The following PTPRZ1 variants were observed in gnomAD, a reference collection of about 807,000 sequenced individuals.
PTPRZ1 encodes the protein protein tyrosine phosphatase receptor type Z1, also known as receptor-type tyrosine-protein phosphatase zeta.
PTPRZ1 carries 82 observed loss-of-function variants against 214.1 expected under a neutral mutation model. The ratio of observed to expected loss-of-function variants is 0.38; its 90% confidence interval spans 0.32 to 0.46. The LOEUF (loss-of-function observed/expected upper bound fraction) is 0.46. Ranked by LOEUF, PTPRZ1 falls within the 20% of genes least tolerant of loss-of-function variation. The pLI, the probability that PTPRZ1 is intolerant of heterozygous loss-of-function variation, is 1.00. For missense variants in PTPRZ1, 2,603 were observed against 2,748.7 expected (o/e 0.95, Z 1.19); for synonymous variants, 945 against 987.9 (o/e 0.96, Z 0.81).
chr7:122,055,124 A>T, intron 27 of PTPRZ1, 37 bp downstream of exon 27: 1 of 1,448,450 alleles, frequency 6.9e-7, no homozygotes, highest in South Asian at 1.3e-5. Context: ...TTTTTATCTT[A>T]AACACATGTT....
intron 1 of PTPRZ1, among the ~76,000 whole-genome samples, chr7:121,921,169 AAGAT>A (rs1414307314): frequency 4.6e-5 from 7 of 152,296 alleles, no homozygotes; most frequent in Non-Finnish European, 7.4e-5. Context: ...CAACTTTAGA[AAGAT>A]AGATAAATTA....
chr7:121,937,959 T>G (rs1206303011), intron 2 of PTPRZ1, among the ~76,000 whole-genome samples: 3 of 152,166 alleles, frequency 2.0e-5, no homozygotes, highest in South Asian at 4.1e-4. Flanking sequence ...ACTTTTTTAT[T>G]TATCATTATA....
intron 2 of PTPRZ1, among the ~76,000 whole-genome samples, chr7:121,930,405 A>G (rs1030444560): frequency 2.6e-5 from 4 of 152,172 alleles, no homozygotes; most frequent in African/African-American, 9.7e-5. Context: ...AATTATACCC[A>G]ATTTAATAAA....
intron 1 of PTPRZ1, among the ~76,000 whole-genome samples, chr7:121,882,933 G>T (rs961012920): frequency 1.3e-5 from 2 of 152,182 alleles, no homozygotes; most frequent in Non-Finnish European, 2.9e-5. Flanking sequence ...GTGAGTCACT[G>T]GTGATCCTTA....
Position 122,011,284 on chromosome 7 carries a change from G to A in PTPRZ1, c.2238G>A (p.Ser746=), listed in dbSNP as rs749524246. The part of the protein sequence containing the change: ...DLVSTVNVVY[S]QTTQPVYNGE... ...TCTCCACGGTCAACGTGGTATACTC[G>A]CAGACAACCCAACCGGTATACAATG... The change falls in exon 12 of 30, where the codon TCG becomes TCA. Residue 746 remains serine, a synonymous_variant. Transcript: ENST00000393386. 35 of 1,613,804 alleles carry A rather than the reference G, an allele frequency of 2.2e-5. No homozygotes were observed. Among genetic ancestry groups the A allele is most frequent in the African/African-American group, 2.7e-5 (2 of 74,870 alleles).
intron 1 of PTPRZ1, among the ~76,000 whole-genome samples, chr7:121,891,451 CTTTTTTTTTTT>C (rs58135453): frequency 4.2e-4 from 15 of 35,750 alleles, no homozygotes; most frequent in Middle Eastern, 0.018. Flanking sequence ...AAAACAACCT[CTTTTTTTTTTT>C]TTTTTTTTTT....
At chr7:121,948,900 T>TA (rs1796467799) in intron 2 of PTPRZ1, among the ~76,000 whole-genome samples, 1 of 152,144 alleles carries the variant, frequency 6.6e-6, no homozygotes, top group African/African-American at 2.4e-5. Flanking sequence ...GAACATTATA[T>TA]AGTGTTACTT....
chr7:121,938,055 ATATC>A (rs1459242417), intron 2 of PTPRZ1, among the ~76,000 whole-genome samples: 8 of 152,178 alleles, frequency 5.3e-5, no homozygotes, highest in Admixed American at 2.0e-4. Flanking sequence ...CTATCTATTA[ATATC>A]TATCTATTTA....
intron 2 of PTPRZ1, among the ~76,000 whole-genome samples, chr7:121,941,787 T>C (rs972192340): frequency 6.6e-6 from 1 of 152,176 alleles, no homozygotes. Context: ...CAGGTGAACT[T>C]CTTTACCAAG....
At chr7:122,002,588 CT>C (rs1410831554) in intron 10 of PTPRZ1, among the ~76,000 whole-genome samples, 1 of 152,058 alleles carries the variant, frequency 6.6e-6, no homozygotes, top group Non-Finnish European at 1.5e-5. Context: ...GCAATACACA[CT>C]AAAAATATTA....
In PTPRZ1 at chr7:122,044,521, C is replaced by G. The variant is rs764475543; in HGVS notation, c.6037C>G (p.Leu2013Val). 15 of 1,613,750 alleles carry G rather than the reference C, an allele frequency of 9.3e-6. No individual in the cohort carries two copies. The Admixed American group carries it at 2.2e-4, about 23-fold the overall frequency. ...TATTCATGCCTATGTTAATGCACTC[C>G]TCATTCCTGGACCAGCAGGCAAAAC... ...SHIHAYVNALLIPGPAGKTKL... is the reference protein window; with the variant it reads ...SHIHAYVNALVIPGPAGKTKL... The change falls in exon 23 of 30, where the codon CTC becomes GTC. Residue 2013 changes from leucine (L) to valine (V), a missense_variant. Transcript: ENST00000393386.
At chr7:121,983,236 A>G (rs1380557454) in intron 6 of PTPRZ1, among the ~76,000 whole-genome samples, 1 of 152,184 alleles carries the variant, frequency 6.6e-6, no homozygotes, top group African/African-American at 2.4e-5. Context: ...TCCTGGTGTC[A>G]TTCTTGATCT....
intron 1 of PTPRZ1, among the ~76,000 whole-genome samples, chr7:121,888,086 A>G (rs890126791): frequency 1.3e-5 from 2 of 152,106 alleles, no homozygotes; most frequent in Non-Finnish European, 2.9e-5. Context: ...TGAGCAGCAT[A>G]AAAGATTTGT....
Position 122,010,759 on chromosome 7 carries a change from G to C in PTPRZ1, c.1713G>C (p.Glu571Asp). The C allele has an allele frequency of 6.2e-7, 1 of 1,613,990 alleles. No homozygotes were observed. Among genetic ancestry groups the C allele is most frequent in the Non-Finnish European group, 8.5e-7 (1 of 1,179,974 alleles). Residue 571 changes from glutamate to aspartate, a missense_variant, in exon 12 of 30, where the codon GAG becomes GAC. Transcript: ENST00000393386. ...TTTCTATAACAGAATATGAGGAGGA[G>C]AGTTTATTGACCAGTTTCAAGCTTG... ...NTVSITEYEE[E>D]SLLTSFKLDT...
intron 10 of PTPRZ1, among the ~76,000 whole-genome samples, chr7:121,999,032 AGCT>A (rs1301809014): frequency 1.3e-5 from 2 of 152,168 alleles, no homozygotes; most frequent in African/African-American, 2.4e-5. Flanking sequence ...ACCTTACCAT[AGCT>A]GTTCTTACTA....
intron 8 of PTPRZ1, among the ~76,000 whole-genome samples, chr7:121,995,163 A>T (rs544751251): frequency 1.8e-4 from 28 of 152,276 alleles, no homozygotes; most frequent in African/African-American, 6.3e-4. Flanking sequence ...TCCGGTGTTC[A>T]TGAGGTGAAC....
Position 122,019,280 on chromosome 7 carries a change from AT to A in PTPRZ1, c.4988+15del. 3 of 1,604,204 alleles carry A rather than the reference AT, an allele frequency of 1.9e-6. No homozygotes were observed. Among genetic ancestry groups the A allele is most frequent in the Non-Finnish European group, 2.6e-6 (3 of 1,173,456 alleles). On this transcript the variant is annotated intron_variant, in intron 13 of 29. Coordinates refer to ENST00000393386, the MANE Select transcript of PTPRZ1 (RefSeq NM_002851.3). ...CTCATCTACTGGAGGTAAGTTGAGT[AT>A]TTGTTTTGGAAAATTTAATTCATAA...
intron 2 of PTPRZ1, among the ~76,000 whole-genome samples, chr7:121,935,965 G>T (rs542413614): frequency 6.6e-6 from 1 of 152,286 alleles, no homozygotes; most frequent in East Asian, 1.9e-4. Context: ...CTAATTAAAA[G>T]AAATCTAAGT....
intron 3 of PTPRZ1, among the ~76,000 whole-genome samples, chr7:121,969,157 G>A (rs989108215): frequency 1.3e-5 from 2 of 152,182 alleles, no homozygotes; most frequent in Non-Finnish European, 2.9e-5. Context: ...AGAATCACTT[G>A]AACTCAAGAG....
Sources: allele counts gnomAD v4.1 joint callset (sites outside exome capture counted in the v4.1 genomes callset), GRCh38; gene constraint gnomAD v4.1.1; transcripts MANE v1.5; gene names NCBI Gene and HGNC (gene_info 2026-07-23, HGNC 2026-07-21).